The following COX17 variants were observed in gnomAD, a reference collection of about 807,000 sequenced individuals.
COX17 encodes cytochrome c oxidase copper chaperone.
A neutral mutation model predicts 6.3 loss-of-function variants in COX17; 1 was observed. That is an observed-to-expected ratio of 0.16 (90% CI 0.06 to 0.75). COX17 has a LOEUF of 0.75. Among genes scored for constraint, COX17 ranks in the 30% least tolerant of loss-of-function variants. The probability of loss-of-function intolerance (pLI) is 0.77; values close to 1 mark genes in which losing one functional copy is unlikely to be tolerated. For synonymous variants in COX17, 26 were observed against 30.5 expected (o/e 0.85, Z 0.49); for missense variants, 73 against 81.2 (o/e 0.90, Z 0.39).
chr3:119,677,383 G>T lies in COX17; in HGVS notation c.-73C>A. 8.4e-7 allele frequency: 1 copy of T among 1,191,560 alleles called. No individual in the cohort carries two copies. Among genetic ancestry groups the T allele is most frequent in the Non-Finnish European group, 1.2e-6 (1 of 814,018 alleles). 73.8% of individuals were successfully genotyped at this position (1,191,560 alleles called of 1,614,324 possible). A position where few individuals can be genotyped will look rare whatever the true frequency, so the allele number is the denominator to read the frequency against. ...AGCCTCGGCAAACGCCGATTCGTCC[G>T]CAGTCACTTCCGGCAGTCGCTCTAA... On this transcript the variant is annotated 5_prime_UTR_variant, in exon 1 of 3. Transcript: ENST00000261070.
At chr3:119,673,670 C>T (rs956399338) in intron 2 of COX17, among the ~76,000 whole-genome samples, 4 of 152,130 alleles carry the variant, frequency 2.6e-5, no homozygotes, top group Non-Finnish European at 5.9e-5. Context: ...AATAAGGAGA[C>T]TTTTGAAAGA....
At chr3:119,672,332 GATAAC>G (rs1264230522) in intron 2 of COX17, among the ~76,000 whole-genome samples, 1 of 152,180 alleles carries the variant, frequency 6.6e-6, no homozygotes, top group African/African-American at 2.4e-5. Context: ...TCTCTGCCCT[GATAAC>G]ATAAAGAAAA....
intron 2 of COX17, among the ~76,000 whole-genome samples, chr3:119,672,200 A>C (rs1235781145): frequency 6.6e-6 from 1 of 152,220 alleles, no homozygotes; most frequent in Admixed American, 6.5e-5. Flanking sequence ...TGAGGAAACC[A>C]AGGTACAGAA....
downstream of COX17, among the ~76,000 whole-genome samples, chr3:119,665,621 G>T (rs1357728117): frequency 6.6e-6 from 1 of 152,124 alleles, no homozygotes; most frequent in East Asian, 1.9e-4. Context: ...CAATCCTCTG[G>T]CCTCAGTCTC....
At chr3:119,672,268 A>C (rs1339289973) in intron 2 of COX17, among the ~76,000 whole-genome samples, 3 of 152,220 alleles carry the variant, frequency 2.0e-5, no homozygotes, top group Non-Finnish European at 4.4e-5. Flanking sequence ...TCTAAGTCTA[A>C]AGCTTTTGCA....
At chr3:119,676,896 G>A (rs2053105959) in intron 1 of COX17, 4 of 702,738 alleles carry the variant, frequency 5.7e-6, no homozygotes, top group East Asian at 2.7e-5. Flanking sequence ...GAAGCTTGCC[G>A]TTCTCCTCTC....
chr3:119,675,001 C>T (rs2053084976), intron 2 of COX17, 144 bp downstream of exon 2: 2 of 620,614 alleles, frequency 3.2e-6, no homozygotes, highest in Admixed American at 2.8e-5. Flanking sequence ...TTACTCCCTT[C>T]ATTGGGAACT....
intron 2 of COX17, among the ~76,000 whole-genome samples, chr3:119,672,738 T>C (rs1394424262): frequency 6.6e-6 from 1 of 152,224 alleles, no homozygotes; most frequent in Non-Finnish European, 1.5e-5. Flanking sequence ...TATACCATAC[T>C]ATATATAGAA....
intron 2 of COX17, among the ~76,000 whole-genome samples, chr3:119,674,042 C>T (rs1156760489): frequency 2.0e-5 from 3 of 151,674 alleles, no homozygotes; most frequent in Admixed American, 1.3e-4. Flanking sequence ...AAGTGAGGAG[C>T]GCCTCTGCCC....
downstream of COX17, among the ~76,000 whole-genome samples, chr3:119,667,278 T>C (rs1559734013): frequency 6.6e-6 from 1 of 152,200 alleles, no homozygotes; most frequent in Non-Finnish European, 1.5e-5. Context: ...TGGTGATATC[T>C]CTTTTCATTA....
At chr3:119,664,030 T>C (rs1016618904) in intron 3 of COX17, among the ~76,000 whole-genome samples, 3 of 152,240 alleles carry the variant, frequency 2.0e-5, no homozygotes, top group East Asian at 3.8e-4. Context: ...GGACAGACTA[T>C]GTGTTCCAAG....
Position 119,674,012 on chromosome 3 carries a change from C to T in COX17, c.*4+1133G>A, listed in dbSNP as rs940520060. Among the ~76,000 whole-genome samples the T allele has an allele frequency of 5.3e-5, 8 of 151,768 alleles. No homozygotes were observed. In the East Asian group the frequency reaches 1.2e-3, roughly 22 times the overall value. On this transcript the variant is annotated intron_variant, in intron 2 of 2. Coordinates refer to ENST00000261070, the MANE Select transcript of COX17 (RefSeq NM_005694.2). ...CTGGGAAGTGAGGTGCCCCTCTGCCCGGCTGCTGCCCCGTCTGGGAAGTGA... is the reference window on the plus strand; with the variant it reads ...CTGGGAAGTGAGGTGCCCCTCTGCCTGGCTGCTGCCCCGTCTGGGAAGTGA...
intron 1 of COX17, 169 bp from the exon 2 acceptor site, chr3:119,675,402 C>T (rs1422362487): frequency 3.5e-6 from 2 of 573,540 alleles, no homozygotes; most frequent in African/African-American, 1.9e-5. Context: ...TTATGATATG[C>T]CCATGCCTAT....
downstream of COX17, among the ~76,000 whole-genome samples, chr3:119,664,825 T>G (rs2052978785): frequency 6.6e-6 from 1 of 152,228 alleles, no homozygotes; most frequent in Non-Finnish European, 1.5e-5. Context: ...TTCCTAGTGT[T>G]GGGTCTGTGA....
intron 2 of COX17, among the ~76,000 whole-genome samples, chr3:119,670,081 T>C (rs73192023): frequency 6.6e-5 from 10 of 152,220 alleles, no homozygotes; most frequent in Non-Finnish European, 1.3e-4. Context: ...ATCCACAAAG[T>C]AGAAGGCAGA....
intron 1 of COX17, 143 bp from the exon 2 acceptor site, chr3:119,675,376 T>G (rs1207972524): frequency 1.6e-6 from 1 of 613,340 alleles, no homozygotes; most frequent in African/African-American, 1.8e-5. Flanking sequence ...TCAAACAGCT[T>G]TGTTTTTATT....
At chr3:119,664,288 G>C (rs1055205121) in intron 3 of COX17, among the ~76,000 whole-genome samples, 6 of 152,216 alleles carry the variant, frequency 3.9e-5, no homozygotes, top group Non-Finnish European at 5.9e-5. Flanking sequence ...GGGAGGCTGA[G>C]ATGGGAGGAT....
intron 2 of COX17, among the ~76,000 whole-genome samples, chr3:119,670,098 G>T (rs555446712): frequency 6.6e-6 from 1 of 152,274 alleles, no homozygotes; most frequent in East Asian, 1.9e-4. Flanking sequence ...CAGAAGGTCA[G>T]CTCAGTACCC....
At chr3:119,667,507 A>G (rs1310433619), downstream of COX17, among the ~76,000 whole-genome samples, 1 of 152,168 alleles carries the variant, frequency 6.6e-6, no homozygotes, top group Admixed American at 6.6e-5. Context: ...GTAAATGGAT[A>G]TATTTTTTCT....
Sources: allele counts gnomAD v4.1 joint callset (sites outside exome capture counted in the v4.1 genomes callset), GRCh38; gene constraint gnomAD v4.1.1; transcripts MANE v1.5; gene names NCBI Gene and HGNC (gene_info 2026-07-23, HGNC 2026-07-21).